Variants in AGBL4 observed in about 807,000 individuals in gnomAD.
AGBL4 encodes cytosolic carboxypeptidase 6.
AGBL4 carries 58 observed loss-of-function variants against 66.4 expected under a neutral mutation model. The observed-to-expected ratio is 0.87, with a 90% CI of 0.71 to 1.09. AGBL4 has a LOEUF of 1.09. AGBL4 is among the 50% of genes least tolerant of loss of function. The pLI is 0.00. For missense variants in AGBL4, 579 were observed against 631.0 expected (o/e 0.92, Z 0.88); for synonymous variants, 234 against 222.9 (o/e 1.05, Z -0.44).
chr1:49,318,280 T>C (rs61783591), intron 3 of AGBL4, among the ~76,000 whole-genome samples: 3,786 of 152,058 alleles, frequency 0.025, 143 homozygotes, highest in Admixed American at 0.11. Context: ...TATTCTTATT[T>C]TGAGGATTAG....
At chr1:49,264,708 G>C (rs556487822) in intron 3 of AGBL4, among the ~76,000 whole-genome samples, 1 of 152,108 alleles carries the variant, frequency 6.6e-6, no homozygotes, top group Non-Finnish European at 1.5e-5. Flanking sequence ...ACCACACCCG[G>C]CTAATTTTTG....
intron 10 of AGBL4, 143 bp downstream of exon 10, chr1:48,590,690 C>A: frequency 1.1e-6 from 1 of 941,640 alleles, no homozygotes; most frequent in Non-Finnish European, 1.5e-6. Flanking sequence ...ATCTTGTTTA[C>A]CTCTATCTTC....
intron 11 of AGBL4, among the ~76,000 whole-genome samples, chr1:48,567,178 G>T (rs1235500354): frequency 6.6e-6 from 1 of 152,152 alleles, no homozygotes; most frequent in Non-Finnish European, 1.5e-5. Flanking sequence ...CAGGGTTATT[G>T]TAACAACTCA....
At chr1:49,454,728 AGTGAGTATAACGTG>A (rs573887097) in intron 3 of AGBL4, among the ~76,000 whole-genome samples, 10 of 151,790 alleles carry the variant, frequency 6.6e-5, no homozygotes, top group African/African-American at 2.4e-4. Context: ...GGGTTACAGA[AGTGAGTATAACGTG>A]GTCCTTGTCA....
chr1:49,587,870 A>G (rs1423814484), intron 3 of AGBL4, among the ~76,000 whole-genome samples: 1 of 152,052 alleles, frequency 6.6e-6, no homozygotes, highest in African/African-American at 2.4e-5. Context: ...TATTATTTTC[A>G]TAATAAACAA....
chr1:49,890,551 G>A (rs1239587549), intron 1 of AGBL4, among the ~76,000 whole-genome samples: 1 of 152,086 alleles, frequency 6.6e-6, no homozygotes, highest in Admixed American at 6.5e-5. Flanking sequence ...TAATACTATG[G>A]TAGATTTATA....
intron 6 of AGBL4, among the ~76,000 whole-genome samples, chr1:48,800,712 A>G (rs772808082): frequency 6.6e-6 from 1 of 152,148 alleles, no homozygotes; most frequent in Non-Finnish European, 1.5e-5. Context: ...TTCAGTTCAA[A>G]TAATTTTTAG....
intron 6 of AGBL4, among the ~76,000 whole-genome samples, chr1:48,753,015 T>C (rs1460706423): frequency 1.3e-5 from 2 of 152,232 alleles, no homozygotes; most frequent in Non-Finnish European, 2.9e-5. Flanking sequence ...CCCAAAGTGC[T>C]GGGATTACAG....
intron 1 of AGBL4, among the ~76,000 whole-genome samples, chr1:49,988,784 T>G (rs1473957030): frequency 6.6e-6 from 1 of 152,190 alleles, no homozygotes; most frequent in African/African-American, 2.4e-5. Flanking sequence ...GTAAATTCTC[T>G]GTAAACTCCA....
At chr1:49,358,770 T>C (rs561861076) in intron 3 of AGBL4, among the ~76,000 whole-genome samples, 1 of 152,174 alleles carries the variant, frequency 6.6e-6, no homozygotes, top group Non-Finnish European at 1.5e-5. Context: ...ATTGCATAAA[T>C]TGTGAAACAA....
At chr1:48,589,836 G>A (rs1644884536) in intron 10 of AGBL4, among the ~76,000 whole-genome samples, 1 of 152,246 alleles carries the variant, frequency 6.6e-6, no homozygotes, top group African/African-American at 2.4e-5. Context: ...ACCTCTGTTA[G>A]CAGATGTCTT....
At chr1:49,773,404 G>T (rs1354560985) in intron 2 of AGBL4, among the ~76,000 whole-genome samples, 1 of 152,176 alleles carries the variant, frequency 6.6e-6, no homozygotes, top group Non-Finnish European at 1.5e-5. Flanking sequence ...TCGAGTGGAA[G>T]TGTTGCTTTT....
intron 6 of AGBL4, among the ~76,000 whole-genome samples, chr1:48,706,898 T>C (rs1184618600): frequency 6.6e-6 from 1 of 152,174 alleles, no homozygotes; most frequent in Non-Finnish European, 1.5e-5. Context: ...AGAGAAAACT[T>C]TGAGCCATCT....
At chr1:48,967,178 A>G (rs1267139756) in intron 5 of AGBL4, among the ~76,000 whole-genome samples, 1 of 152,034 alleles carries the variant, frequency 6.6e-6, no homozygotes, top group Non-Finnish European at 1.5e-5. Context: ...CTTATACTTC[A>G]TGGTCCTTAA....
chr1:49,011,517 C>A (rs965917124), intron 5 of AGBL4, among the ~76,000 whole-genome samples: 1 of 152,178 alleles, frequency 6.6e-6, no homozygotes, highest in African/African-American at 2.4e-5. Context: ...TTAACCCTGC[C>A]ATCCCATTAC....
chr1:49,346,811 T>C (rs1264763408), intron 3 of AGBL4, among the ~76,000 whole-genome samples: 1 of 152,214 alleles, frequency 6.6e-6, no homozygotes, highest in African/African-American at 2.4e-5. Context: ...GGGGGAAATA[T>C]GTCAGAGGCT....
intron 3 of AGBL4, among the ~76,000 whole-genome samples, chr1:49,379,394 A>G (rs1332161760): frequency 2.6e-5 from 4 of 152,140 alleles, no homozygotes; most frequent in Non-Finnish European, 5.9e-5. Flanking sequence ...CTGGCACAGA[A>G]TGGGAATCCA....
intron 4 of AGBL4, among the ~76,000 whole-genome samples, chr1:49,176,633 T>G (rs773989241): frequency 7.9e-5 from 12 of 152,210 alleles, no homozygotes; most frequent in Non-Finnish European, 1.6e-4. Flanking sequence ...ATAGAACACA[T>G]GGACTTTGCG....
chr1:48,545,134 C>A (rs545712214), intron 11 of AGBL4, among the ~76,000 whole-genome samples: 2 of 152,242 alleles, frequency 1.3e-5, no homozygotes, highest in Admixed American at 1.3e-4. Flanking sequence ...TCTCACCATT[C>A]CATACTGAGA....
Sources: allele counts gnomAD v4.1 joint callset (sites outside exome capture counted in the v4.1 genomes callset), GRCh38; gene constraint gnomAD v4.1.1; transcripts MANE v1.5; gene names NCBI Gene and HGNC (gene_info 2026-07-23, HGNC 2026-07-21).